Variants in SMARCA2 observed in about 807,000 individuals in gnomAD.
SMARCA2 encodes SWI/SNF-related matrix-associated actin-dependent regulator of chromatin subfamily A member 2.
A neutral mutation model predicts 199.8 loss-of-function variants in SMARCA2; 61 were observed. The observed-to-expected ratio is 0.31, with a 90% CI of 0.25 to 0.38. SMARCA2 has a LOEUF of 0.38. SMARCA2 is among the 10% of genes least tolerant of loss of function. The pLI is 1.00. For synonymous variants in SMARCA2, 935 were observed against 732.0 expected (o/e 1.28, Z -4.48); for missense variants, 1,344 against 2,012.2 (o/e 0.67, Z 6.35).
chr9:2,178,093 CA>C (rs35220877), intron 29 of SMARCA2, among the ~76,000 whole-genome samples: 151,199 of 152,200 alleles, frequency 0.99, 75,110 homozygotes, highest in East Asian at 1. Context: ...GCCATGCATA[CA>C]AGGAGTTCAA....
At position 2,127,212 on chromosome 9, in the gene SMARCA2, C is replaced by T. The variant is rs72689120; in HGVS notation, c.3981+3275C>T. On this transcript the variant is annotated intron_variant, in intron 27 of 33. Coordinates refer to ENST00000349721, the MANE Select transcript of SMARCA2 (RefSeq NM_003070.5). ...AGTTTCCTAGTATTCTCGGTAGTTGCCAACCTGCCTGCTTTCCTGACTAGT... is the reference window on the plus strand; with the variant it reads ...AGTTTCCTAGTATTCTCGGTAGTTGTCAACCTGCCTGCTTTCCTGACTAGT... Among the ~76,000 whole-genome samples the T allele has an allele frequency of 3.0e-3, 449 of 152,192 alleles. 1 individual carries two copies. The highest frequency in any genetic ancestry group is 3.9e-3 in the Non-Finnish European group (268 of 68,014).
chr9:2,019,898 C>A (rs1312713835), intron 1 of SMARCA2, among the ~76,000 whole-genome samples: 1 of 151,498 alleles, frequency 6.6e-6, no homozygotes, highest in Non-Finnish European at 1.5e-5. Context: ...CTTTTTGATA[C>A]CCCAGAGAAA....
chr9:2,065,444 TCTCTCTCTCTCTCTCTTTCTCCTTA>T (rs1254643365), intron 9 of SMARCA2, among the ~76,000 whole-genome samples: 3 of 147,870 alleles, frequency 2.0e-5, no homozygotes, highest in Non-Finnish European at 4.5e-5. Context: ...TTTTATCCTG[TCTCTCTCTCTCTCTCTTTCTCCTTA>T]CCAACCGCTA....
chr9:2,155,720 C>CTTTTT lies in SMARCA2; in HGVS notation c.3982-5932_3982-5928dup, dbSNP rs59156319. On this transcript the variant is annotated intron_variant, in intron 27 of 33. Coordinates refer to ENST00000349721, the MANE Select transcript of SMARCA2 (RefSeq NM_003070.5). The stretch of plus-strand genomic sequence containing the variant: ...TATGGCATATGGGGAAAGAGAAAAC[C>CTTTTT]TTTTTTTTTTTTTTTTTTTTTTTTT... 7.9e-4 allele frequency among the ~76,000 whole-genome samples: 42 copies of CTTTTT among 53,184 alleles called. 4 individuals are homozygous for CTTTTT. Among genetic ancestry groups the CTTTTT allele is most frequent in the African/African-American group, 1.4e-3 (21 of 15,402 alleles). The allele number at this position is 53,184 out of a possible 152,430, so 34.9% of individuals were successfully genotyped here.
intron 27 of SMARCA2, among the ~76,000 whole-genome samples, chr9:2,149,169 G>A (rs1824915998): frequency 6.6e-6 from 1 of 151,288 alleles, no homozygotes; most frequent in South Asian, 2.1e-4. Flanking sequence ...CATGGCAGGA[G>A]GCAAAAGGCA....
At position 2,056,304 on chromosome 9, in the gene SMARCA2, A is replaced by G. The variant is rs1014472094; in HGVS notation, c.1174-368A>G. On this transcript the variant is annotated intron_variant, in intron 6 of 33. Transcript: ENST00000349721. The surrounding 1 kb of genome is among the most constrained non-coding windows in gnomAD (Gnocchi z 4.0). ...ATCTTTAAACACAAAGAGAATGTTAACATGACACTTAAAACAAAGCGGAAA... is the reference window on the plus strand; with the variant it reads ...ATCTTTAAACACAAAGAGAATGTTAGCATGACACTTAAAACAAAGCGGAAA... Among the ~76,000 whole-genome samples the G allele has an allele frequency of 2.0e-5, 3 of 152,232 alleles. No homozygotes were observed. Among genetic ancestry groups the G allele is most frequent in the Admixed American group, 2.0e-4 (3 of 15,288 alleles).
At position 2,191,419 on chromosome 9, in the gene SMARCA2, C is replaced by A; in HGVS notation, c.4737+11C>A. On this transcript the variant is annotated intron_variant, in intron 33 of 33. Coordinates refer to ENST00000349721, the MANE Select transcript of SMARCA2 (RefSeq NM_003070.5). ...GAGCAGGATGAACGTGTAAGTGTAG[C>A]CGACTGGGACTGAAGGCGGAGACGC... 1 of 1,613,726 alleles carries A rather than the reference C, an allele frequency of 6.2e-7. No individual in the cohort carries two copies.
intron 27 of SMARCA2, among the ~76,000 whole-genome samples, chr9:2,132,330 A>G (rs1259145080): frequency 6.6e-6 from 1 of 152,236 alleles, no homozygotes; most frequent in East Asian, 1.9e-4. Flanking sequence ...ATTAAGTATG[A>G]TCCAGCCTGA....
intron 2 of SMARCA2, among the ~76,000 whole-genome samples, chr9:2,029,800 G>T (rs1022129630): frequency 9.2e-5 from 14 of 152,182 alleles, no homozygotes; most frequent in African/African-American, 3.4e-4. Flanking sequence ...TTTGGAAGAA[G>T]GTTCTGATTT....
Position 2,060,796 on chromosome 9 carries a change from T to C in SMARCA2, c.1522-20T>C. The C allele has an allele frequency of 5.0e-6, 8 of 1,611,880 alleles. No homozygotes were observed. The highest frequency in any genetic ancestry group is 6.8e-6 in the Non-Finnish European group (8 of 1,178,502). On this transcript the variant is annotated intron_variant, in intron 8 of 33. Transcript: ENST00000349721. Reference sequence around the variant, plus strand: ...GCACGCTTATATTATGCTCTCATCCTGCTCTTCTTTCCTTAATAGGCTGAA... The same window carrying C: ...GCACGCTTATATTATGCTCTCATCCCGCTCTTCTTTCCTTAATAGGCTGAA...
intron 28 of SMARCA2, among the ~76,000 whole-genome samples, chr9:2,165,628 T>G (rs1445720181): frequency 6.6e-6 from 1 of 152,236 alleles, no homozygotes; most frequent in Non-Finnish European, 1.5e-5. Flanking sequence ...TCTGCTTATT[T>G]AGAAGCTTTT....
chr9:2,152,421 C>T (rs950864299), intron 27 of SMARCA2, among the ~76,000 whole-genome samples: 4 of 151,616 alleles, frequency 2.6e-5, no homozygotes, highest in Non-Finnish European at 5.9e-5. Context: ...GGTGTGGTGG[C>T]TCATGGCTCA....
At chr9:2,095,656 A>C (rs1353948694) in intron 19 of SMARCA2, among the ~76,000 whole-genome samples, 4 of 152,192 alleles carry the variant, frequency 2.6e-5, no homozygotes, top group Admixed American at 2.0e-4. Flanking sequence ...TTGTGCTTCC[A>C]TGTGGCCTGA....
At chr9:2,174,852 C>A (rs755721406) in intron 29 of SMARCA2, among the ~76,000 whole-genome samples, 2 of 133,132 alleles carry the variant, frequency 1.5e-5, no homozygotes. Flanking sequence ...CCTGGGAGGT[C>A]GAGGCTACAG....
At chr9:2,179,318 T>C (rs1030995264) in intron 29 of SMARCA2, among the ~76,000 whole-genome samples, 3 of 152,216 alleles carry the variant, frequency 2.0e-5, no homozygotes, top group Non-Finnish European at 4.4e-5. Flanking sequence ...AAACAACATA[T>C]CCCAAGAAGT....
chr9:2,064,908 G>A (rs1372804506), intron 9 of SMARCA2, among the ~76,000 whole-genome samples: 6 of 152,216 alleles, frequency 3.9e-5, no homozygotes. Flanking sequence ...CCATCAGCTG[G>A]GTGCGGCGGC....
At chr9:2,155,873 C>G (rs988510688) in intron 27 of SMARCA2, among the ~76,000 whole-genome samples, 1 of 151,546 alleles carries the variant, frequency 6.6e-6, no homozygotes, top group Non-Finnish European at 1.5e-5. Context: ...ACATTTCAGT[C>G]CCAAATCAGG....
At chr9:2,018,824 T>C (rs769280664) in intron 1 of SMARCA2, among the ~76,000 whole-genome samples, 22 of 152,342 alleles carry the variant, frequency 1.4e-4, no homozygotes, top group Admixed American at 1.2e-3. Flanking sequence ...TTTTCAGTAG[T>C]ATTTTCCATC....
At chr9:2,055,152 C>T (rs181818341) in intron 6 of SMARCA2, among the ~76,000 whole-genome samples, 16 of 152,308 alleles carry the variant, frequency 1.1e-4, no homozygotes, top group Admixed American at 6.5e-4. Flanking sequence ...ATGGTAGCCA[C>T]GCTACTGAAT....
Sources: gnomAD v4.1 joint callset for allele counts (sites outside exome capture counted in the v4.1 genomes callset) on GRCh38, gnomAD v4.1.1 for gene constraint, Gnocchi (gnomAD v3.1) non-coding constraint, MANE v1.5 for transcripts, NCBI Gene and HGNC (gene_info 2026-07-23, HGNC 2026-07-21) for gene names.